The following HDAC9 variants were observed in gnomAD, a reference collection of about 807,000 sequenced individuals.
HDAC9 encodes histone deacetylase 9.
HDAC9 carries 41 observed loss-of-function variants against 139.4 expected under a neutral mutation model. That is an observed-to-expected ratio of 0.29 (90% CI 0.23 to 0.38). The LOEUF is 0.38. Ranked by LOEUF, HDAC9 falls within the 10% of genes least tolerant of loss-of-function variation. The pLI is 1.00. For missense variants in HDAC9, 1,147 were observed against 1,297.0 expected (o/e 0.88, Z 1.78); for synonymous variants, 517 against 476.2 (o/e 1.09, Z -1.12).
intron 22 of HDAC9, among the ~76,000 whole-genome samples, chr7:18,877,634 G>A (rs1799418786): frequency 6.6e-6 from 1 of 152,106 alleles, no homozygotes; most frequent in Admixed American, 6.5e-5. Context: ...AGTTTTGTTT[G>A]CTATCTCTGA....
intron 1 of HDAC9, among the ~76,000 whole-genome samples, chr7:18,457,709 GTT>G (rs1294823820): frequency 6.6e-6 from 1 of 152,110 alleles, no homozygotes; most frequent in Non-Finnish European, 1.5e-5. Flanking sequence ...GCATTAGTGA[GTT>G]TTTTAAAAAT....
chr7:18,781,454 G>A (rs1204611062), intron 16 of HDAC9, among the ~76,000 whole-genome samples: 1 of 151,990 alleles, frequency 6.6e-6, no homozygotes, highest in Non-Finnish European at 1.5e-5. Context: ...AATTAAATAG[G>A]TAGTGTTTGT....
intron 1 of HDAC9, among the ~76,000 whole-genome samples, chr7:18,137,655 C>A (rs1327915278): frequency 1.3e-5 from 2 of 150,554 alleles, no homozygotes; most frequent in Non-Finnish European, 3.0e-5. Context: ...GGGATGAAGC[C>A]CACTTGATCA....
intron 1 of HDAC9, among the ~76,000 whole-genome samples, chr7:18,094,348 A>G (rs1333450654): frequency 6.6e-6 from 1 of 152,108 alleles, no homozygotes; most frequent in Non-Finnish European, 1.5e-5. Flanking sequence ...CCTAAACTAG[A>G]TTAGGCCAGA....
chr7:18,783,728 T>C (rs1193938022), intron 16 of HDAC9, among the ~76,000 whole-genome samples: 1 of 151,264 alleles, frequency 6.6e-6, no homozygotes, highest in Non-Finnish European at 1.5e-5. Context: ...TAAATCACCC[T>C]GGGTAGCAGA....
intron 1 of HDAC9, among the ~76,000 whole-genome samples, chr7:18,455,132 T>A (rs917254960): frequency 1.3e-5 from 2 of 152,140 alleles, no homozygotes; most frequent in African/African-American, 4.8e-5. Context: ...GACAGGGACA[T>A]AGAAATAAGT....
intron 2 of HDAC9, among the ~76,000 whole-genome samples, chr7:18,515,503 G>A (rs1802897124): frequency 6.6e-6 from 1 of 152,176 alleles, no homozygotes; most frequent in African/African-American, 2.4e-5. Flanking sequence ...ATGAGGTAGA[G>A]TTCTAGATAC....
At chr7:18,479,841 T>C (rs1029070689) in intron 1 of HDAC9, among the ~76,000 whole-genome samples, 1 of 152,076 alleles carries the variant, frequency 6.6e-6, no homozygotes, top group Admixed American at 6.6e-5. Flanking sequence ...TAATGGTTTA[T>C]TATATTACAT....
chr7:18,707,935 G>T (rs1434970139), intron 12 of HDAC9, among the ~76,000 whole-genome samples: 1 of 151,866 alleles, frequency 6.6e-6, no homozygotes, highest in Non-Finnish European at 1.5e-5. Context: ...GAGCATTTTT[G>T]TATATTGAGG....
At chr7:18,118,277 T>A (rs978294564) in intron 1 of HDAC9, among the ~76,000 whole-genome samples, 3 of 152,226 alleles carry the variant, frequency 2.0e-5, no homozygotes, top group Admixed American at 1.3e-4. Flanking sequence ...GAGTCAGAAC[T>A]GGAATATTGT....
At chr7:18,694,907 C>T (rs1220265392) in intron 12 of HDAC9, among the ~76,000 whole-genome samples, 3 of 152,012 alleles carry the variant, frequency 2.0e-5, no homozygotes, top group Non-Finnish European at 4.4e-5. Flanking sequence ...ATATTTCCTC[C>T]CTCCTACTCC....
intron 1 of HDAC9, among the ~76,000 whole-genome samples, chr7:18,139,262 A>T (rs1785704375): frequency 6.6e-6 from 1 of 151,360 alleles, no homozygotes; most frequent in South Asian, 2.1e-4. Flanking sequence ...AGTAGCTGGT[A>T]CTGCAGGCAT....
At chr7:18,178,226 G>C (rs867887389) in intron 2 of HDAC9, among the ~76,000 whole-genome samples, 1 of 152,166 alleles carries the variant, frequency 6.6e-6, no homozygotes, top group South Asian at 2.1e-4. Flanking sequence ...TGGGATTACA[G>C]GCACATGCCA....
chr7:18,805,257 A>G (rs1256178756), intron 17 of HDAC9, among the ~76,000 whole-genome samples: 1 of 152,186 alleles, frequency 6.6e-6, no homozygotes, highest in African/African-American at 2.4e-5. Flanking sequence ...TCAGTCTTTA[A>G]CTTGTTGCAT....
At chr7:18,791,093 G>A (rs532422286) in intron 16 of HDAC9, among the ~76,000 whole-genome samples, 4 of 152,142 alleles carry the variant, frequency 2.6e-5, no homozygotes, top group Non-Finnish European at 5.9e-5. Flanking sequence ...ATGCCCTTTA[G>A]TATGGTCAAA....
chr7:18,572,481 G>A (rs565738907), intron 2 of HDAC9, among the ~76,000 whole-genome samples: 15 of 151,876 alleles, frequency 9.9e-5, no homozygotes, highest in Middle Eastern at 3.4e-3. Flanking sequence ...TATATAAGTT[G>A]TAGAAAAAAA....
rs1000451782 is a variant in HDAC9, at chr7:18,997,769, AC to A, written c.*1709del. The A allele has an allele frequency of 6.6e-6, 1 of 152,078 alleles. No homozygotes were observed. Among genetic ancestry groups the A allele is most frequent in the Non-Finnish European group, 1.5e-5 (1 of 67,968 alleles). 9.4% of individuals were successfully genotyped at this position (152,078 alleles called of 1,614,324 possible). A position where few individuals can be genotyped will look rare whatever the true frequency, so the allele number is the denominator to read the frequency against. On this transcript the variant is annotated 3_prime_UTR_variant, in exon 26 of 26. Transcript: ENST00000686413. ...ATAACTCCCTTTGTTATACAGTCAG[AC>A]CATATTTTTCATGCATTTGGTTTTT...
At chr7:18,117,350 G>A (rs1468813017) in intron 1 of HDAC9, among the ~76,000 whole-genome samples, 2 of 152,024 alleles carry the variant, frequency 1.3e-5, no homozygotes, top group African/African-American at 2.4e-5. Flanking sequence ...GCCAGGCGTG[G>A]TGGTGGGCGC....
At chr7:18,410,459 C>A (rs1437648332) in intron 1 of HDAC9, among the ~76,000 whole-genome samples, 2 of 152,026 alleles carry the variant, frequency 1.3e-5, no homozygotes, top group African/African-American at 4.8e-5. Flanking sequence ...TTCTTTGTTT[C>A]AACAAAGAAT....
Sources: gnomAD v4.1 joint callset for allele counts (sites outside exome capture counted in the v4.1 genomes callset) on GRCh38, gnomAD v4.1.1 for gene constraint, MANE v1.5 for transcripts, NCBI Gene and HGNC (gene_info 2026-07-23, HGNC 2026-07-21) for gene names.